LRRC8D: variants seen among roughly 807,000 people sequenced by gnomAD.
LRRC8D encodes leucine rich repeat containing 8 VRAC subunit D, also known as volume-regulated anion channel subunit LRRC8D.
In LRRC8D, 20 loss-of-function variants were observed where a neutral mutation model predicts 55.8. The observed-to-expected ratio is 0.36, with a 90% CI of 0.25 to 0.52. The LOEUF is 0.52. Among genes scored for constraint, LRRC8D ranks in the 20% least tolerant of loss-of-function variants. LRRC8D has a pLI of 0.93. For synonymous variants in LRRC8D, 352 were observed against 377.0 expected, an observed-to-expected ratio of 0.93 and a Z score of 0.77; for missense variants, 651 against 1,030.8, an observed-to-expected ratio of 0.63 and a Z score of 5.05.
chr1:89,933,049 T>C lies in LRRC8D; in HGVS notation c.-2-18T>C. 1 of 1,593,452 alleles carries C rather than the reference T, an allele frequency of 6.3e-7. No homozygotes were observed. Among genetic ancestry groups the C allele is most frequent in the Non-Finnish European group, 8.6e-7 (1 of 1,164,870 alleles). On this transcript the variant is annotated intron_variant, in intron 2 of 2. Coordinates refer to ENST00000337338, the MANE Select transcript of LRRC8D (RefSeq NM_001134479.2). This position sits in a 1 kb window ranked among gnomAD's most constrained non-coding sequence, Gnocchi z 7.0. ...TTTGCATCTCTAGAATAATGTCTTT[T>C]GTCTTCTTGTTTTCTAGGAATGTTT... is the stretch of plus-strand genomic sequence containing the variant.
intron 2 of LRRC8D, among the ~76,000 whole-genome samples, chr1:89,931,445 C>A (rs1227209232): frequency 6.6e-6 from 1 of 152,102 alleles, no homozygotes; most frequent in Non-Finnish European, 1.5e-5. Context: ...ACACAGCATT[C>A]CAGACAACCC....
chr1:89,925,854 C>T (rs896084511), intron 2 of LRRC8D, among the ~76,000 whole-genome samples: 1 of 152,204 alleles, frequency 6.6e-6, no homozygotes, highest in African/African-American at 2.4e-5. Flanking sequence ...CTGGAAAGTA[C>T]TGGCTTTCTT....
intron 2 of LRRC8D, among the ~76,000 whole-genome samples, chr1:89,851,426 C>T (rs1235920141): frequency 6.6e-6 from 1 of 152,158 alleles, no homozygotes; most frequent in Non-Finnish European, 1.5e-5. Context: ...ATTTATGTCA[C>T]ACTGAATGCT....
chr1:89,848,082 A>G (rs1661324309), intron 2 of LRRC8D, among the ~76,000 whole-genome samples: 1 of 152,198 alleles, frequency 6.6e-6, no homozygotes, highest in African/African-American at 2.4e-5. Flanking sequence ...TCTTTGTTGT[A>G]CATTAAAAGG....
chr1:89,831,190 G>C (rs1660877452), intron 1 of LRRC8D, among the ~76,000 whole-genome samples: 1 of 152,168 alleles, frequency 6.6e-6, no homozygotes, highest in Non-Finnish European at 1.5e-5. Flanking sequence ...ACAGGCATGA[G>C]CCACCACGCC....
At chr1:89,822,104 C>T (rs1022425092) in intron 1 of LRRC8D, 20 of 152,594 alleles carry the variant, frequency 1.3e-4, no homozygotes, top group African/African-American at 4.3e-4. Context: ...GGGGGTATCC[C>T]TTGCAGATAA....
At position 89,872,315 on chromosome 1, in the gene LRRC8D, A is replaced by G. The variant is rs184054935; in HGVS notation, c.-3+28533A>G. Reference sequence around the variant, plus strand: ...CTATCTGTTTTCAGAAATGTCGCATATCCCTTCCAGGGCAGACCACTCATT... The same window carrying G: ...CTATCTGTTTTCAGAAATGTCGCATGTCCCTTCCAGGGCAGACCACTCATT... On this transcript the variant is annotated intron_variant, in intron 2 of 2. Coordinates refer to ENST00000337338, the MANE Select transcript of LRRC8D (RefSeq NM_001134479.2). Among the ~76,000 whole-genome samples, 950 of 152,346 alleles carry G rather than the reference A, an allele frequency of 6.2e-3. 9 individuals carry two copies. Among genetic ancestry groups the G allele is most frequent in the African/African-American group, 0.021 (882 of 41,578 alleles).
chr1:89,827,921 G>A (rs1306069872), intron 1 of LRRC8D, among the ~76,000 whole-genome samples: 1 of 152,184 alleles, frequency 6.6e-6, no homozygotes, highest in Non-Finnish European at 1.5e-5. Context: ...ACCCTGGCTG[G>A]CATCAGAATC....
chr1:89,900,771 C>G (rs953331006), intron 2 of LRRC8D, among the ~76,000 whole-genome samples: 1 of 152,236 alleles, frequency 6.6e-6, no homozygotes, highest in Admixed American at 6.5e-5. Context: ...AAAACCACAG[C>G]AGCATCTCAT....
At chr1:89,840,153 G>A (rs1000319902) in intron 1 of LRRC8D, among the ~76,000 whole-genome samples, 5 of 152,184 alleles carry the variant, frequency 3.3e-5, no homozygotes, top group Admixed American at 3.3e-4. Context: ...GTGCCTACCT[G>A]AGAGCGCATT....
intron 2 of LRRC8D, among the ~76,000 whole-genome samples, chr1:89,912,332 T>A (rs932184059): frequency 6.6e-6 from 1 of 152,174 alleles, no homozygotes; most frequent in Non-Finnish European, 1.5e-5. Flanking sequence ...GTAATTAGGA[T>A]CTTACAATAT....
intron 2 of LRRC8D, among the ~76,000 whole-genome samples, chr1:89,851,583 C>T (rs1169861347): frequency 2.0e-5 from 3 of 151,660 alleles, no homozygotes; most frequent in Non-Finnish European, 1.5e-5. Flanking sequence ...AATCTCGGCT[C>T]ACTGCAGCCT....
At chr1:89,850,540 G>T (rs1019583551) in intron 2 of LRRC8D, among the ~76,000 whole-genome samples, 2 of 152,200 alleles carry the variant, frequency 1.3e-5, no homozygotes, top group African/African-American at 4.8e-5. Context: ...TTCTGTTCCT[G>T]TGTTAGTTTG....
intron 2 of LRRC8D, among the ~76,000 whole-genome samples, chr1:89,888,000 C>T (rs570328074): frequency 2.6e-5 from 4 of 152,236 alleles, no homozygotes; most frequent in East Asian, 1.9e-4. Flanking sequence ...CCAAGGGAGA[C>T]GTGACACTGT....
chr1:89,935,321 T>C lies in LRRC8D; in HGVS notation c.2253T>C (p.Leu751=). 1 of 1,613,966 alleles carries C rather than the reference T, an allele frequency of 6.2e-7. No homozygotes were observed. The highest frequency in any genetic ancestry group is 1.3e-5 in the African/African-American group (1 of 75,068). Residue 751 remains leucine, a synonymous_variant, in exon 3 of 3, where the codon CTT becomes CTC. Coordinates refer to ENST00000337338, the MANE Select transcript of LRRC8D (RefSeq NM_001134479.2). Reference sequence around the variant, plus strand: ...TGATTCCAATAGAAATAGGATTGCTTCAGAACCTGCAGCATTTGCATATCA... The same window carrying C: ...TGATTCCAATAGAAATAGGATTGCTCCAGAACCTGCAGCATTTGCATATCA... ...ISMIPIEIGL[L]QNLQHLHITG...
In LRRC8D at chr1:89,847,010, A is replaced by G. The variant is rs371533931; in HGVS notation, c.-3+3228A>G. On this transcript the variant is annotated intron_variant, in intron 2 of 2. Coordinates refer to ENST00000337338, the MANE Select transcript of LRRC8D (RefSeq NM_001134479.2). Reference sequence around the variant, plus strand: ...ATCCCCTACTCTTTCATTCCAGCTCACAGTAATCCACTGAGAGGCTCACAT... The same window carrying G: ...ATCCCCTACTCTTTCATTCCAGCTCGCAGTAATCCACTGAGAGGCTCACAT... Among the ~76,000 whole-genome samples, 16 of 152,254 alleles carry G rather than the reference A, an allele frequency of 1.1e-4. No homozygotes were observed. In the South Asian group the frequency reaches 3.3e-3, roughly 32 times the overall value.
At chr1:89,859,123 A>G (rs1661632777) in intron 2 of LRRC8D, among the ~76,000 whole-genome samples, 1 of 152,202 alleles carries the variant, frequency 6.6e-6, no homozygotes, top group South Asian at 2.1e-4. Context: ...TCAGAAATCA[A>G]ATTTCTGGGA....
intron 2 of LRRC8D, among the ~76,000 whole-genome samples, chr1:89,864,354 G>A (rs1250597723): frequency 1.3e-5 from 2 of 151,992 alleles, no homozygotes; most frequent in Non-Finnish European, 2.9e-5. Context: ...ATCTTTGAAT[G>A]CAGGTGGTCC....
chr1:89,842,882 C>G (rs1388281109), intron 1 of LRRC8D, among the ~76,000 whole-genome samples: 2 of 152,142 alleles, frequency 1.3e-5, no homozygotes, highest in Non-Finnish European at 2.9e-5. Context: ...CGATTATGCT[C>G]CATGTGGAAT....
Sources: allele counts gnomAD v4.1 joint callset (sites outside exome capture counted in the v4.1 genomes callset), GRCh38; gene constraint gnomAD v4.1.1; non-coding constraint Gnocchi (gnomAD v3.1); transcripts MANE v1.5; gene names NCBI Gene and HGNC (gene_info 2026-07-23, HGNC 2026-07-21).